ATCAY: variants seen among roughly 807,000 people sequenced by gnomAD.
The protein encoded by ATCAY is caytaxin.
A neutral mutation model predicts 47.7 loss-of-function variants in ATCAY; 22 were observed. That is an observed-to-expected ratio of 0.46 (90% CI 0.33 to 0.66). The LOEUF (loss-of-function observed/expected upper bound fraction) is 0.66. Among genes scored for constraint, ATCAY ranks in the 30% least tolerant of loss-of-function variants. ATCAY has a pLI of 0.02. For missense variants in ATCAY, 452 were observed against 515.0 expected, an observed-to-expected ratio of 0.88 and a Z score of 1.18; for synonymous variants, 216 against 207.6, an observed-to-expected ratio of 1.04 and a Z score of -0.35.
rs913594112 is a variant in ATCAY at position 3,907,630 on chromosome 19, G to A, written c.359-104G>A. On this transcript the variant is annotated intron_variant, in intron 4 of 12. Transcript: ENST00000450849. This position sits in a 1 kb window ranked among gnomAD's most constrained non-coding sequence, Gnocchi z 5.1. Reference sequence around the variant, plus strand: ...GTGGGGAGAAGCGAAGGACTTGTGGGTCCCGGCAGCGAGGGAGGTGGGAGA... The same window carrying A: ...GTGGGGAGAAGCGAAGGACTTGTGGATCCCGGCAGCGAGGGAGGTGGGAGA... The A allele has an allele frequency of 3.6e-6, 5 of 1,391,510 alleles. No individual in the cohort carries two copies. Among genetic ancestry groups the A allele is most frequent in the Admixed American group, 2.2e-5 (1 of 46,222 alleles). The allele number at this position is 1,391,510 out of a possible 1,614,324, so 86.2% of individuals were successfully genotyped here.
intron 12 of ATCAY, among the ~76,000 whole-genome samples, chr19:3,923,971 GAT>G (rs1491029253): frequency 1.7e-3 from 17 of 9,722 alleles, no homozygotes; most frequent in African/African-American, 0.01. Context: ...TGGGTGGGTG[GAT>G]GGATGGATGG....
chr19:3,913,280 C>A (rs938126893), intron 8 of ATCAY, among the ~76,000 whole-genome samples: 3 of 152,148 alleles, frequency 2.0e-5, no homozygotes, highest in Admixed American at 6.6e-5. Context: ...GAGCAAGACT[C>A]TGTGTCAAAA....
chr19:3,896,775 GTTGT>G (rs150501851), intron 2 of ATCAY, among the ~76,000 whole-genome samples: 4 of 151,930 alleles, frequency 2.6e-5, no homozygotes, highest in Admixed American at 6.6e-5. Flanking sequence ...TGGGCAAGTG[GTTGT>G]TTGTTTGTTT....
At chr19:3,882,769 G>A (rs1387684011) in intron 1 of ATCAY, among the ~76,000 whole-genome samples, 2 of 151,804 alleles carry the variant, frequency 1.3e-5, no homozygotes, top group Admixed American at 1.3e-4. Context: ...TCAGCCTCCT[G>A]AACAGCTGTG....
At chr19:3,906,851 C>T (rs542316779) in intron 4 of ATCAY, among the ~76,000 whole-genome samples, 50 of 152,002 alleles carry the variant, frequency 3.3e-4, no homozygotes, top group Middle Eastern at 3.4e-3. Flanking sequence ...AGACAGACCA[C>T]GAAAGGCCAG....
chr19:3,894,170 C>T (rs2038744102), intron 2 of ATCAY, among the ~76,000 whole-genome samples: 1 of 151,712 alleles, frequency 6.6e-6, no homozygotes, highest in Non-Finnish European at 1.5e-5. Context: ...CTGCAAGACC[C>T]CATCTGCAGA....
rs145579703 is a variant in ATCAY, at chr19:3,891,708, G to A, written c.77+5864G>A. Among the ~76,000 whole-genome samples the A allele has an allele frequency of 4.6e-5, 7 of 151,840 alleles. No individual in the cohort carries two copies. In the East Asian group the frequency reaches 7.8e-4, roughly 17 times the overall value. ...AGGTTGAGGGACTGGGGAAGGCTGC[G>A]TGGGGAAACTGAGGACTTGGGGGAG... On this transcript the variant is annotated intron_variant, in intron 2 of 12. Transcript: ENST00000450849.
chr19:3,914,274 T>C (rs2038948144), intron 9 of ATCAY, among the ~76,000 whole-genome samples: 1 of 129,490 alleles, frequency 7.7e-6, no homozygotes, highest in Admixed American at 8.0e-5. Flanking sequence ...CACAATTCCA[T>C]GTGGCTGGCA....
rs1188859976 is a variant in ATCAY, at chr19:3,907,265, T to C, written c.359-469T>C. On this transcript the variant is annotated intron_variant, in intron 4 of 12. Coordinates refer to ENST00000450849, the MANE Select transcript of ATCAY (RefSeq NM_033064.5). The surrounding 1 kb of genome is among the most constrained non-coding windows in gnomAD (Gnocchi z 5.1). ...TTTGAGACCAGCCTGGGCAACATAT[T>C]GAAACCCCATCTCTACAAAAATATA... 6.6e-6 allele frequency among the ~76,000 whole-genome samples: 1 copy of C among 151,914 alleles called. No individual in the cohort carries two copies. The highest frequency in any genetic ancestry group is 1.5e-5 in the Non-Finnish European group (1 of 67,986).
intron 2 of ATCAY, among the ~76,000 whole-genome samples, chr19:3,901,231 T>C (rs562728630): frequency 6.6e-6 from 1 of 152,276 alleles, no homozygotes; most frequent in Non-Finnish European, 1.5e-5. Context: ...GGCAGAACTG[T>C]ACATAAACTA....
At chr19:3,886,406 C>T (rs1000384166) in intron 2 of ATCAY, among the ~76,000 whole-genome samples, 1 of 152,236 alleles carries the variant, frequency 6.6e-6, no homozygotes, top group East Asian at 2.0e-4. Context: ...TCCTGGCTAA[C>T]ATGGTGAAAC....
chr19:3,895,123 C>G (rs1006521383), intron 2 of ATCAY: 1 of 456,134 alleles, frequency 2.2e-6, no homozygotes, highest in Non-Finnish European at 4.4e-6. Flanking sequence ...TACATGGTCT[C>G]AAGCCAGGAA....
chr19:3,911,041 C>T (rs1284678196), intron 8 of ATCAY, among the ~76,000 whole-genome samples, 152 bp downstream of exon 8: 1 of 152,142 alleles, frequency 6.6e-6, no homozygotes, highest in Non-Finnish European at 1.5e-5. Flanking sequence ...TGTGCATGTT[C>T]CAGCTTCTCT....
At chr19:3,903,432 G>T (rs1333202267) in intron 3 of ATCAY, among the ~76,000 whole-genome samples, 1 of 152,254 alleles carries the variant, frequency 6.6e-6, no homozygotes, top group Admixed American at 6.5e-5. Flanking sequence ...GGTTGGCACC[G>T]TGGGGAGAGG....
intron 3 of ATCAY, 33 bp from the exon 4 acceptor site, chr19:3,905,401 A>G (rs951648133): frequency 1.9e-6 from 3 of 1,544,804 alleles, no homozygotes; most frequent in Admixed American, 4.0e-5. Context: ...AGAGAAAGCA[A>G]AGATGTTTTC....
rs138599665 is a variant in ATCAY at position 3,907,006 on chromosome 19, C to T, written c.359-728C>T. ...TACAGAAATTAGCCGGGCATGGTGGCGTGCGTAGTCCCAGCTACTCGGGAG... is the reference window on the plus strand; with the variant it reads ...TACAGAAATTAGCCGGGCATGGTGGTGTGCGTAGTCCCAGCTACTCGGGAG... On this transcript the variant is annotated intron_variant, in intron 4 of 12. Coordinates refer to ENST00000450849, the MANE Select transcript of ATCAY (RefSeq NM_033064.5). The surrounding 1 kb of genome is among the most constrained non-coding windows in gnomAD (Gnocchi z 5.1). Among the ~76,000 whole-genome samples, 694 of 151,516 alleles carry T rather than the reference C, an allele frequency of 4.6e-3. 9 individuals are homozygous for T. Among genetic ancestry groups the T allele is most frequent in the South Asian group, 0.012 (58 of 4,776 alleles).
At chr19:3,905,692 C>CG in intron 4 of ATCAY, 37 bp downstream of exon 4, 2 of 1,524,168 alleles carry the variant, frequency 1.3e-6, no homozygotes, top group South Asian at 2.3e-5. Context: ...TGCTGGAGCC[C>CG]ACCCCCCCCA....
chr19:3,881,874 C>CA (rs1555765212), intron 1 of ATCAY, among the ~76,000 whole-genome samples: 4 of 146,478 alleles, frequency 2.7e-5, no homozygotes, highest in Non-Finnish European at 4.5e-5. Flanking sequence ...CCGCCCCCCC[C>CA]CCGACCCCAT....
intron 8 of ATCAY, among the ~76,000 whole-genome samples, 196 bp from the exon 9 acceptor site, chr19:3,913,562 G>C (rs560824409): frequency 6.6e-6 from 1 of 152,088 alleles, no homozygotes; most frequent in Non-Finnish European, 1.5e-5. Context: ...GCGCAGACCC[G>C]GGGTCTCCAC....
Sources: gnomAD v4.1 joint callset for allele counts (sites outside exome capture counted in the v4.1 genomes callset) on GRCh38, gnomAD v4.1.1 for gene constraint, Gnocchi (gnomAD v3.1) non-coding constraint, MANE v1.5 for transcripts, NCBI Gene and HGNC (gene_info 2026-07-23, HGNC 2026-07-21) for gene names.